The following DAPK1 variants were observed in gnomAD, a reference collection of about 807,000 sequenced individuals.
DAPK1 encodes death associated protein kinase 1.
In DAPK1, 56 loss-of-function variants were observed where a neutral mutation model predicts 144.9. The ratio of observed to expected loss-of-function variants is 0.39; its 90% CI spans 0.31 to 0.48. The LOEUF is 0.48. Among genes scored for constraint, DAPK1 ranks in the 20% least tolerant of loss-of-function variants. The probability of loss-of-function intolerance (pLI) is 0.95; values close to 1 mark genes in which losing one functional copy is unlikely to be tolerated. For synonymous variants in DAPK1, 690 were observed against 749.0 expected (o/e 0.92, Z 1.29); for missense variants, 1,454 against 1,875.4 (o/e 0.78, Z 4.15).
At chr9:87,505,268 T>C (rs1347360519) in intron 2 of DAPK1, among the ~76,000 whole-genome samples, 1 of 152,260 alleles carries the variant, frequency 6.6e-6, no homozygotes, top group African/African-American at 2.4e-5. Context: ...ATTATTTTAG[T>C]AGAAATTTAT....
chr9:87,575,019 A>C (rs1000687546), intron 2 of DAPK1, among the ~76,000 whole-genome samples: 1 of 151,928 alleles, frequency 6.6e-6, no homozygotes, highest in Admixed American at 6.6e-5. Flanking sequence ...GGAGTTCAAG[A>C]CCAGCCTGAC....
intron 2 of DAPK1, among the ~76,000 whole-genome samples, chr9:87,582,774 T>A (rs1827796330): frequency 6.6e-6 from 1 of 151,968 alleles, no homozygotes; most frequent in South Asian, 2.1e-4. Flanking sequence ...AGGCTGGTAT[T>A]GAACTCCTGA....
At chr9:87,576,840 G>A (rs919115414) in intron 2 of DAPK1, among the ~76,000 whole-genome samples, 2 of 152,156 alleles carry the variant, frequency 1.3e-5, no homozygotes, top group Non-Finnish European at 2.9e-5. Context: ...GATTACAGGC[G>A]TGAGCCACCG....
intron 2 of DAPK1, among the ~76,000 whole-genome samples, chr9:87,511,231 C>T (rs556788383): frequency 6.6e-6 from 1 of 152,334 alleles, no homozygotes; most frequent in Non-Finnish European, 1.5e-5. Flanking sequence ...ATCCTTGCCT[C>T]CTTCCGACTG....
intron 2 of DAPK1, among the ~76,000 whole-genome samples, chr9:87,590,208 C>G (rs1828075930): frequency 1.3e-5 from 2 of 152,028 alleles, no homozygotes; most frequent in Non-Finnish European, 2.9e-5. Context: ...TAGGAGATTG[C>G]TTCTGCCACA....
chr9:87,611,829 G>A (rs1387225449), intron 3 of DAPK1, among the ~76,000 whole-genome samples: 1 of 152,108 alleles, frequency 6.6e-6, no homozygotes, highest in South Asian at 2.1e-4. Flanking sequence ...CGGGTGATGC[G>A]GATGCTGCTG....
At chr9:87,656,931 G>T (rs36214720) in intron 17 of DAPK1, among the ~76,000 whole-genome samples, 3 of 152,168 alleles carry the variant, frequency 2.0e-5, no homozygotes, top group Admixed American at 1.3e-4. Context: ...TGAGAGTAAG[G>T]GGGGAGGGGA....
At chr9:87,545,364 A>C (rs1587705107) in intron 2 of DAPK1, among the ~76,000 whole-genome samples, 1 of 152,288 alleles carries the variant, frequency 6.6e-6, no homozygotes, top group East Asian at 1.9e-4. Context: ...TGGCTGCTTT[A>C]ATTAAAATAC....
chr9:87,548,984 A>C (rs1190571386), intron 2 of DAPK1, among the ~76,000 whole-genome samples: 1 of 124,106 alleles, frequency 8.1e-6, no homozygotes, highest in Non-Finnish European at 1.6e-5. Flanking sequence ...CAGGATGTAC[A>C]GGTTTGTTAC....
chr9:87,552,258 T>A (rs1826518639), intron 2 of DAPK1, among the ~76,000 whole-genome samples: 1 of 151,920 alleles, frequency 6.6e-6, no homozygotes, highest in African/African-American at 2.4e-5. Flanking sequence ...TCTGCCTAGA[T>A]CATTACAGCC....
intron 3 of DAPK1, among the ~76,000 whole-genome samples, chr9:87,621,659 G>C (rs999896229): frequency 6.6e-6 from 1 of 152,180 alleles, no homozygotes; most frequent in Non-Finnish European, 1.5e-5. Flanking sequence ...TAGGGAGTCT[G>C]CCTCTTGCTT....
intron 2 of DAPK1, among the ~76,000 whole-genome samples, chr9:87,547,566 GGAGAGA>G (rs3031521): frequency 1.7e-5 from 2 of 117,716 alleles, no homozygotes; most frequent in South Asian, 4.8e-4. Flanking sequence ...AAGTGTGTGT[GGAGAGA>G]GAGAGAGTGT....
intron 18 of DAPK1, among the ~76,000 whole-genome samples, chr9:87,664,216 C>G (rs1209688447): frequency 6.6e-6 from 1 of 152,158 alleles, no homozygotes; most frequent in African/African-American, 2.4e-5. Flanking sequence ...TTCTCCCCTT[C>G]AGTTGTGGCT....
At chr9:87,631,120 T>C (rs147683656) in intron 3 of DAPK1, among the ~76,000 whole-genome samples, 4 of 152,210 alleles carry the variant, frequency 2.6e-5, no homozygotes, top group African/African-American at 9.6e-5. Flanking sequence ...TGGGGGAGCA[T>C]ACTTGGTGCC....
intron 3 of DAPK1, among the ~76,000 whole-genome samples, chr9:87,637,278 G>C (rs1281983868): frequency 6.6e-6 from 1 of 151,934 alleles, no homozygotes; most frequent in African/African-American, 2.4e-5. Flanking sequence ...ATTTTTAGTA[G>C]AGACGGTGTT....
At chr9:87,677,579 G>A (rs1824440189) in intron 19 of DAPK1, among the ~76,000 whole-genome samples, 1 of 152,200 alleles carries the variant, frequency 6.6e-6, no homozygotes, top group South Asian at 2.1e-4. Context: ...GGGATCCAGT[G>A]ACTGGATTTA....
At chr9:87,693,259 T>C (rs573422918) in intron 21 of DAPK1, among the ~76,000 whole-genome samples, 108 of 151,950 alleles carry the variant, frequency 7.1e-4, no homozygotes, top group Non-Finnish European at 1.3e-3. Flanking sequence ...AAGAGTTTTG[T>C]TTATTTTTTT....
At chr9:87,526,519 A>G (rs142106974) in intron 2 of DAPK1, among the ~76,000 whole-genome samples, 85 of 152,358 alleles carry the variant, frequency 5.6e-4, no homozygotes, top group African/African-American at 2.0e-3. Context: ...CTGTTGTATG[A>G]ATATGCTACA....
intron 3 of DAPK1, among the ~76,000 whole-genome samples, chr9:87,609,594 T>C (rs1240588406): frequency 6.6e-6 from 1 of 152,240 alleles, no homozygotes; most frequent in Non-Finnish European, 1.5e-5. Context: ...GTCTTTGCCT[T>C]TGAGAAAATT....
Sources: allele counts gnomAD v4.1 joint callset (sites outside exome capture counted in the v4.1 genomes callset), GRCh38; gene constraint gnomAD v4.1.1; transcripts MANE v1.5; gene names NCBI Gene and HGNC (gene_info 2026-07-23, HGNC 2026-07-21).